CCDC33: variants seen among roughly 807,000 people sequenced by gnomAD.
CCDC33 encodes coiled-coil domain containing 33.
CCDC33 carries 94 observed loss-of-function variants against 91.9 expected under a neutral mutation model. The observed-to-expected ratio is 1.02, with a 90% CI of 0.87 to 1.21. The LOEUF is 1.21. Ranked by LOEUF, CCDC33 falls within the 50% of genes most tolerant of loss-of-function variation. CCDC33 has a pLI of 0.00. For synonymous variants in CCDC33, 396 were observed against 374.5 expected (o/e 1.06, Z -0.66); for missense variants, 940 against 935.5 (o/e 1.00, Z -0.06).
At chr15:74,291,968 T>C (rs2059593037) in intron 10 of CCDC33, among the ~76,000 whole-genome samples, 1 of 152,250 alleles carries the variant, frequency 6.6e-6, no homozygotes, top group South Asian at 2.1e-4. Context: ...GTGAGCTGAA[T>C]GCTGGGTCTG....
chr15:74,277,039 C>A (rs2076468038), intron 7 of CCDC33, among the ~76,000 whole-genome samples: 1 of 152,182 alleles, frequency 6.6e-6, no homozygotes, highest in Admixed American at 6.5e-5. Flanking sequence ...CTCTACAGCA[C>A]CCCACAGGCA....
chr15:74,231,066 G>T (rs544928932), intron 2 of CCDC33, among the ~76,000 whole-genome samples: 41 of 152,314 alleles, frequency 2.7e-4, no homozygotes, highest in African/African-American at 9.6e-4. Context: ...CAAGGGTTTA[G>T]CCCAGTAGCC....
intron 1 of CCDC33, among the ~76,000 whole-genome samples, chr15:74,203,756 C>T (rs1297257164): frequency 6.6e-6 from 1 of 152,212 alleles, no homozygotes; most frequent in Non-Finnish European, 1.5e-5. Flanking sequence ...CAAAGGGAAT[C>T]ACAGGTTGAG....
intron 2 of CCDC33, among the ~76,000 whole-genome samples, chr15:74,261,478 T>G (rs1403867356): frequency 1.3e-5 from 2 of 152,194 alleles, no homozygotes; most frequent in South Asian, 4.1e-4. Context: ...AAACAAGGGC[T>G]GGTGGGGATG....
chr15:74,323,043 A>G (rs983808371), intron 11 of CCDC33, among the ~76,000 whole-genome samples: 4 of 151,550 alleles, frequency 2.6e-5, no homozygotes, highest in Non-Finnish European at 5.9e-5. Context: ...TACCTCCCCT[A>G]TGCATCCCTC....
At chr15:74,331,373 C>T in intron 15 of CCDC33, 77 bp downstream of exon 15, 2 of 1,450,630 alleles carry the variant, frequency 1.4e-6, no homozygotes, top group Non-Finnish European at 1.9e-6. Flanking sequence ...TGGAGCCTCT[C>T]AGCTTCAGGA....
intron 2 of CCDC33, among the ~76,000 whole-genome samples, chr15:74,227,583 C>T (rs1039404729): frequency 6.6e-6 from 1 of 152,090 alleles, no homozygotes; most frequent in African/African-American, 2.4e-5. Context: ...GGCTCAGAGT[C>T]CCAGAGCAAA....
At chr15:74,228,868 G>A (rs554093747) in intron 2 of CCDC33, among the ~76,000 whole-genome samples, 1 of 152,190 alleles carries the variant, frequency 6.6e-6, no homozygotes, top group South Asian at 2.1e-4. Flanking sequence ...ATGAGATTAG[G>A]GCCAGAGGCT....
At chr15:74,277,795 C>T (rs1482992516) in intron 7 of CCDC33, among the ~76,000 whole-genome samples, 1 of 152,216 alleles carries the variant, frequency 6.6e-6, no homozygotes, top group Non-Finnish European at 1.5e-5. Flanking sequence ...ATTGGGCCGG[C>T]AGCCACTCAC....
At chr15:74,243,195 T>G (rs1224361870) in intron 1 of CCDC33, among the ~76,000 whole-genome samples, 1 of 152,240 alleles carries the variant, frequency 6.6e-6, no homozygotes, top group Non-Finnish European at 1.5e-5. Context: ...GTGGGGCATC[T>G]GGGACAGACA....
At chr15:74,294,696 G>A (rs538130658) in intron 10 of CCDC33, among the ~76,000 whole-genome samples, 13 of 147,242 alleles carry the variant, frequency 8.8e-5, no homozygotes, top group African/African-American at 3.0e-4. Context: ...GCAGTGAGCC[G>A]ATATCATGGC....
chr15:74,296,128 G>A lies in CCDC33; in HGVS notation c.1290+180G>A, dbSNP rs182592428. Among the ~76,000 whole-genome samples the A allele has an allele frequency of 6.6e-5, 10 of 152,334 alleles. No individual in the cohort carries two copies. In the East Asian group the frequency reaches 7.7e-4, roughly 12 times the overall value. ...AACTGCTGGGCGCTGTGGCTTCTTC[G>A]TTTGCAGGGTCTCTTCACCTTTTGA... On this transcript the variant is annotated intron_variant, in intron 11 of 18. Coordinates refer to ENST00000398814, the MANE Select transcript of CCDC33 (RefSeq NM_025055.5).
chr15:74,335,587 C>T (rs1007260043), intron 18 of CCDC33: 4 of 350,000 alleles, frequency 1.1e-5, no homozygotes, highest in Non-Finnish European at 2.1e-5. Flanking sequence ...CGGGACCGCC[C>T]AGCCCCGCAA....
At chr15:74,273,358 A>G (rs904434628) in intron 7 of CCDC33, among the ~76,000 whole-genome samples, 1 of 152,260 alleles carries the variant, frequency 6.6e-6, no homozygotes. Flanking sequence ...GGAAATAGAT[A>G]GTGGTGATGG....
Position 74,236,506 on chromosome 15 carries a change from C to CA in CCDC33, c.-214_-213insA. ...TGAGAGATCCAGGACCTGCTCCCAC[C>CA]TGGCCACCCTCCCCCTCCCCCCACA... On this transcript the variant is annotated 5_prime_UTR_variant, in exon 1 of 19. In the 5' UTR this introduces an upstream ATG that the reference lacks. Transcript: ENST00000398814. 2.4e-6 allele frequency: 1 copy of CA among 421,520 alleles called. No individual in the cohort carries two copies. The highest frequency in any genetic ancestry group is 4.3e-6 in the Non-Finnish European group (1 of 231,866). The allele number at this position is 421,520 out of a possible 1,614,324, so 26.1% of individuals were successfully genotyped here. A position where few individuals can be genotyped will look rare whatever the true frequency, so the allele number is the denominator to read the frequency against.
chr15:74,333,764 G>A, intron 16 of CCDC33, 117 bp from the exon 17 acceptor site: 1 of 739,936 alleles, frequency 1.4e-6, no homozygotes, highest in South Asian at 1.8e-5. Context: ...TCTGCCTCGG[G>A]AGCTCAGTCT....
At chr15:74,240,353 C>T (rs1212231681) in intron 1 of CCDC33, among the ~76,000 whole-genome samples, 2 of 152,218 alleles carry the variant, frequency 1.3e-5, no homozygotes, top group Non-Finnish European at 2.9e-5. Flanking sequence ...GGACAATGGT[C>T]TTACTCCTGG....
At chr15:74,228,207 G>A (rs773494118) in intron 2 of CCDC33, among the ~76,000 whole-genome samples, 9 of 152,212 alleles carry the variant, frequency 5.9e-5, no homozygotes, top group Non-Finnish European at 8.8e-5. Flanking sequence ...CGCAGTAGAG[G>A]GGTGGAAAGT....
At chr15:74,231,561 G>A (rs2074971899), upstream of CCDC33, among the ~76,000 whole-genome samples, 1 of 152,144 alleles carries the variant, frequency 6.6e-6, no homozygotes, top group African/African-American at 2.4e-5. Context: ...GGAGAGCTGC[G>A]ACTCCTTTCC....
Sources: allele counts gnomAD v4.1 joint callset (sites outside exome capture counted in the v4.1 genomes callset), GRCh38; gene constraint gnomAD v4.1.1; transcripts MANE v1.5; gene names NCBI Gene and HGNC (gene_info 2026-07-23, HGNC 2026-07-21).